Variants in PCDHA6 observed in about 807,000 individuals in gnomAD.
The protein encoded by PCDHA6 is protocadherin alpha-6.
Under a neutral mutation model 60.3 loss-of-function variants are expected in PCDHA6, and 55 were observed. That is an observed-to-expected ratio of 0.91 (90% CI 0.73 to 1.14). The LOEUF (loss-of-function observed/expected upper bound fraction) is 1.14. PCDHA6 is among the 50% of genes most tolerant of loss of function. PCDHA6 has a pLI of 0.00. For missense variants in PCDHA6, 1,327 were observed against 1,256.5 expected, an observed-to-expected ratio of 1.06 and a Z score of -0.85; for synonymous variants, 652 against 557.9, an observed-to-expected ratio of 1.17 and a Z score of -2.38.
intron 3 of PCDHA6, among the ~76,000 whole-genome samples, chr5:140,986,372 G>C (rs570215048): frequency 2.1e-4 from 32 of 152,248 alleles, no homozygotes; most frequent in Admixed American, 5.2e-4. Context: ...ATGCGTTTTG[G>C]GGGGAGGGAC....
At chr5:140,947,635 G>A (rs1170525936) in intron 1 of PCDHA6, among the ~76,000 whole-genome samples, 1 of 151,538 alleles carries the variant, frequency 6.6e-6, no homozygotes, top group African/African-American at 2.4e-5. Context: ...TCATCAGATC[G>A]TATGAACATA....
intron 1 of PCDHA6, among the ~76,000 whole-genome samples, chr5:140,907,278 A>G (rs558447183): frequency 2.6e-5 from 4 of 152,338 alleles, no homozygotes; most frequent in African/African-American, 7.2e-5. Context: ...CCATCATTCT[A>G]TCAATCCAGC....
chr5:140,863,124 C>T (rs1554157805), intron 1 of PCDHA6: 1 of 594,982 alleles, frequency 1.7e-6, no homozygotes, highest in Non-Finnish European at 3.3e-6. Flanking sequence ...AAGCTACGCG[C>T]CACCGCCTGC....
At position 140,943,494 on chromosome 5, in the gene PCDHA6, A is replaced by G. The variant is rs1046059269; in HGVS notation, c.2395-35455A>G. ...TACAGTAAAATAATAAATAGATGCT[A>G]TCAAGGTTCATGGAAATGTTGAGTT... is the stretch of plus-strand genomic sequence containing the variant. On this transcript the variant is annotated intron_variant, in intron 1 of 3. Transcript: ENST00000529310. Among the ~76,000 whole-genome samples, 4 of 152,132 alleles carry G rather than the reference A, an allele frequency of 2.6e-5. No homozygotes were observed. The East Asian group carries it at 5.8e-4, about 22-fold the overall frequency.
chr5:140,928,050 G>A (rs782229340), intron 1 of PCDHA6: 3 of 1,614,180 alleles, frequency 1.9e-6, no homozygotes, highest in Non-Finnish European at 2.5e-6. Flanking sequence ...GCCCTTTTCA[G>A]CTGACGGCTT....
At chr5:140,957,255 T>C (rs577479092) in intron 1 of PCDHA6, among the ~76,000 whole-genome samples, 88 of 152,306 alleles carry the variant, frequency 5.8e-4, no homozygotes, top group Non-Finnish European at 1.0e-3. Flanking sequence ...AAAATTTAAA[T>C]ATGTAAGCAC....
Position 140,829,659 on chromosome 5 carries a change from T to C in PCDHA6, c.1568T>C (p.Leu523Pro). 6.2e-7 allele frequency: 1 copy of C among 1,612,676 alleles called. No individual in the cohort carries two copies. ...ESGKVYALQP[L>P]DHEELELLQF... ...GGCAAGGTGTACGCGCTGCAGCCGC[T>C]GGACCACGAGGAGCTAGAGCTGCTG... is the stretch of plus-strand genomic sequence containing the variant. Residue 523 changes from leucine (L) to proline (P), a missense_variant, in exon 1 of 4, where the codon CTG (leucine) becomes CCG (proline). By Grantham distance (98) the Leu-to-Pro change is moderately conservative (BLOSUM62 -3). Coordinates refer to ENST00000529310, the MANE Select transcript of PCDHA6 (RefSeq NM_018909.4).
chr5:140,856,210 G>A, intron 1 of PCDHA6: 1 of 1,598,116 alleles, frequency 6.3e-7, no homozygotes, highest in Non-Finnish European at 8.6e-7. Flanking sequence ...TGGGGCTGGA[G>A]CTGGCGGAGC....
intron 1 of PCDHA6, chr5:140,883,585 C>T (rs782326010): frequency 4.3e-6 from 7 of 1,613,932 alleles, no homozygotes; most frequent in East Asian, 4.5e-5. Flanking sequence ...GGGCCACGGC[C>T]AGCGTGTCGG....
At chr5:140,976,585 C>A (rs1415996919) in intron 1 of PCDHA6, among the ~76,000 whole-genome samples, 1 of 152,064 alleles carries the variant, frequency 6.6e-6, no homozygotes, top group African/African-American at 2.4e-5. Flanking sequence ...AAAACACAGA[C>A]TTTTGTGTTA....
intron 1 of PCDHA6, among the ~76,000 whole-genome samples, chr5:140,935,116 C>T (rs2090194943): frequency 6.6e-6 from 1 of 152,126 alleles, no homozygotes; most frequent in Non-Finnish European, 1.5e-5. Flanking sequence ...AGAGCTTTCA[C>T]TTATTTTTAG....
intron 1 of PCDHA6, among the ~76,000 whole-genome samples, chr5:140,966,033 G>C (rs772770928): frequency 6.6e-6 from 1 of 152,138 alleles, no homozygotes; most frequent in African/African-American, 2.4e-5. Context: ...CAGGTGAATA[G>C]TTCCCATCGC....
chr5:140,873,126 G>A (rs2054115570), intron 1 of PCDHA6, among the ~76,000 whole-genome samples: 1 of 152,124 alleles, frequency 6.6e-6, no homozygotes, highest in Admixed American at 6.5e-5. Context: ...AATATTCAAA[G>A]AGTCTATGCT....
rs2150417290 is a variant in PCDHA6 at position 140,848,687 on chromosome 5, C to G, written c.2394+18202C>G. 1.9e-3 allele frequency: 2,953 copies of G among 1,592,340 alleles called. 211 individuals are homozygous for G. The African/African-American group carries it at 0.035, about 19-fold the overall frequency. The stretch of plus-strand genomic sequence containing the variant: ...TGGCGGAGCTGGTGCCGCGCCTGTT[C>G]CAGTTGGATTCCAAAGGCCGCGGGG... On this transcript the variant is annotated intron_variant, in intron 1 of 3. Transcript: ENST00000529310.
At chr5:140,960,179 G>A (rs1379423809) in intron 1 of PCDHA6, among the ~76,000 whole-genome samples, 1 of 152,106 alleles carries the variant, frequency 6.6e-6, no homozygotes, top group Non-Finnish European at 1.5e-5. Flanking sequence ...TAAGTTAGGG[G>A]TTGCATGTGT....
At chr5:140,848,529 C>T (rs2150412022) in intron 1 of PCDHA6, 7 of 1,594,446 alleles carry the variant, frequency 4.4e-6, no homozygotes, top group Non-Finnish European at 6.0e-6. Flanking sequence ...TCCAGAGGGT[C>T]AGCCTCTACT....
intron 1 of PCDHA6, among the ~76,000 whole-genome samples, chr5:140,891,255 A>C (rs1313851741): frequency 6.6e-6 from 1 of 151,868 alleles, no homozygotes; most frequent in Non-Finnish European, 1.5e-5. Context: ...GATTTTTTTT[A>C]ATTTTTAATT....
intron 3 of PCDHA6, among the ~76,000 whole-genome samples, chr5:141,004,523 A>G (rs934216851): frequency 3.3e-5 from 5 of 152,232 alleles, no homozygotes; most frequent in Admixed American, 2.0e-4. Flanking sequence ...CTCTGCCAAT[A>G]CACACAGCCA....
chr5:140,923,183 C>G (rs2081208346), intron 1 of PCDHA6, among the ~76,000 whole-genome samples: 2 of 152,206 alleles, frequency 1.3e-5, no homozygotes, highest in South Asian at 4.1e-4. Context: ...TCAGATGCAT[C>G]TACTGCAGCA....
Sources: gnomAD v4.1 joint callset for allele counts (sites outside exome capture counted in the v4.1 genomes callset) on GRCh38, gnomAD v4.1.1 for gene constraint, MANE v1.5 for transcripts, NCBI Gene and HGNC (gene_info 2026-07-23, HGNC 2026-07-21) for gene names.